Variants in NAV3 observed in about 807,000 individuals in gnomAD.
The protein encoded by NAV3 is neuron navigator 3, also known as pore membrane and/or filament interacting like protein 1.
In NAV3, 87 loss-of-function variants were observed where a neutral mutation model predicts 244.7. The observed-to-expected ratio is 0.36, with a 90% CI of 0.30 to 0.42. The LOEUF is 0.42. Ranked by LOEUF, NAV3 falls within the 20% of genes least tolerant of loss-of-function variation. The probability of loss-of-function intolerance (pLI) is 1.00; values close to 1 mark genes in which losing one functional copy is unlikely to be tolerated. For synonymous variants in NAV3, 1,126 were observed against 1,042.2 expected, an observed-to-expected ratio of 1.08 and a Z score of -1.55; for missense variants, 2,663 against 2,893.3, an observed-to-expected ratio of 0.92 and a Z score of 1.83.
At chr12:78,086,981 G>A (rs1041827670) in intron 12 of NAV3, among the ~76,000 whole-genome samples, 1 of 151,884 alleles carries the variant, frequency 6.6e-6, no homozygotes, top group African/African-American at 2.4e-5. Context: ...TGAAACAATA[G>A]GTTTTCTACA....
At chr12:77,776,008 T>C (rs1870335810) in intron 2 of NAV3, among the ~76,000 whole-genome samples, 1 of 152,238 alleles carries the variant, frequency 6.6e-6, no homozygotes, top group South Asian at 2.1e-4. Context: ...GCCTTTGTCC[T>C]CAGAGCATGG....
intron 1 of NAV3, among the ~76,000 whole-genome samples, chr12:77,894,310 A>T (rs1466583078): frequency 6.6e-6 from 1 of 152,196 alleles, no homozygotes; most frequent in Non-Finnish European, 1.5e-5. Flanking sequence ...CCCAAGATAA[A>T]GGTTAGAGAA....
chr12:77,778,255 C>T (rs1445774323), intron 2 of NAV3, among the ~76,000 whole-genome samples: 3 of 149,316 alleles, frequency 2.0e-5, no homozygotes, highest in Non-Finnish European at 4.4e-5. Flanking sequence ...CCCCGCCCCC[C>T]GTCCTTGCTT....
Position 78,059,009 on chromosome 12 carries a change from G to T in NAV3, c.2530G>T (p.Gly844Ter), listed in dbSNP as rs2137404839. ...ATTTCTTTTCAGGTACATGACAGAT[G>T]GAGGACTTAACCTATATACTAGAAG... is the stretch of plus-strand genomic sequence containing the variant. ...DDINSGYMTD[G>*]GLNLYTRSLN... The change falls in exon 12 of 40, where the codon GGA becomes TGA. Residue 844 changes from glycine (G) to a stop codon, truncating the protein, a stop_gained. Transcript: ENST00000397909. LOFTEE classifies it high-confidence loss of function. The T allele has an allele frequency of 6.2e-7, 1 of 1,601,616 alleles. No homozygotes were observed. The highest frequency in any genetic ancestry group is 1.1e-5 in the South Asian group (1 of 88,362).
chr12:77,706,521 A>G (rs1186903310), intron 2 of NAV3, among the ~76,000 whole-genome samples: 2 of 151,248 alleles, frequency 1.3e-5, no homozygotes, highest in Admixed American at 1.3e-4. Context: ...ATCTTGGCTG[A>G]TCGTTATCAA....
Position 77,831,350 on chromosome 12 carries a change from T to A in NAV3, c.-112T>A. 1 of 1,112,156 alleles carries A rather than the reference T, an allele frequency of 9.0e-7. No homozygotes were observed. The highest frequency in any genetic ancestry group is 1.2e-6 in the Non-Finnish European group (1 of 817,078). 68.9% of individuals were successfully genotyped at this position (1,112,156 alleles called of 1,614,324 possible). A position where few individuals can be genotyped will look rare whatever the true frequency, so the allele number is the denominator to read the frequency against. On this transcript the variant is annotated 5_prime_UTR_variant, in exon 1 of 40. It removes an upstream start codon present in the reference 5' UTR. Transcript: ENST00000397909. ...ATTATTAGCTTTTTAAAAATCAGGA[T>A]GACTGCTAGTTTTGTTTAAAGTATT...
At position 78,050,099 on chromosome 12, in the gene NAV3, C is replaced by T; in HGVS notation, c.2130C>T (p.His710=). The change falls in exon 10 of 40, where the codon CAC becomes CAT. Residue 710 remains histidine (H), a splice_region_variant and synonymous_variant. Coordinates refer to ENST00000397909, the MANE Select transcript of NAV3 (RefSeq NM_001024383.2). ...MSSLRGTQIS[H]STLETTFDST... Reference sequence around the variant, plus strand: ...GTCTTCGTGGGACTCAGATAAGCCACAGGTTTTTTTCAATTTTGCATATAT... The same window carrying T: ...GTCTTCGTGGGACTCAGATAAGCCATAGGTTTTTTTCAATTTTGCATATAT... The T allele has an allele frequency of 6.3e-7, 1 of 1,598,566 alleles. No individual in the cohort carries two copies. The highest frequency in any genetic ancestry group is 8.5e-7 in the Non-Finnish European group (1 of 1,174,338).
At chr12:77,786,557 C>T (rs1870913508) in intron 2 of NAV3, among the ~76,000 whole-genome samples, 1 of 152,032 alleles carries the variant, frequency 6.6e-6, no homozygotes, top group African/African-American at 2.4e-5. Context: ...ATGTCAACAG[C>T]CATGTTAACT....
At chr12:78,098,959 T>G (rs1442254710) in intron 12 of NAV3, among the ~76,000 whole-genome samples, 1 of 151,078 alleles carries the variant, frequency 6.6e-6, no homozygotes, top group African/African-American at 2.4e-5. Context: ...TCCAGGGTTT[T>G]TTTTTTTTTT....
chr12:78,130,144 T>C (rs1956099370), intron 18 of NAV3, among the ~76,000 whole-genome samples: 1 of 152,178 alleles, frequency 6.6e-6, no homozygotes, highest in Admixed American at 6.5e-5. Context: ...CCAGTCTAGT[T>C]TGGGGACTAT....
intron 2 of NAV3, among the ~76,000 whole-genome samples, chr12:77,807,917 A>G (rs971228673): frequency 5.3e-5 from 8 of 151,626 alleles, no homozygotes; most frequent in Non-Finnish European, 1.0e-4. Context: ...GTTTTATTTC[A>G]CTCAGTTGAT....
intron 7 of NAV3, among the ~76,000 whole-genome samples, chr12:78,000,132 G>A (rs1420310079): frequency 6.6e-6 from 1 of 152,098 alleles, no homozygotes; most frequent in Non-Finnish European, 1.5e-5. Flanking sequence ...TGATATACAA[G>A]CATTAATATT....
At chr12:77,647,626 T>C (rs1262989101) in intron 2 of NAV3, among the ~76,000 whole-genome samples, 1 of 152,132 alleles carries the variant, frequency 6.6e-6, no homozygotes, top group Non-Finnish European at 1.5e-5. Flanking sequence ...TAGTGCTGTT[T>C]TGATCATATT....
At chr12:78,045,381 C>T (rs1461369857) in intron 9 of NAV3, among the ~76,000 whole-genome samples, 10 of 152,086 alleles carry the variant, frequency 6.6e-5, no homozygotes, top group East Asian at 5.8e-4. Context: ...CTGCAACCTC[C>T]GCCTCCTAAG....
intron 23 of NAV3, among the ~76,000 whole-genome samples, chr12:78,165,166 G>A (rs1957725563): frequency 6.6e-6 from 1 of 151,906 alleles, no homozygotes; most frequent in Non-Finnish European, 1.5e-5. Context: ...TGGTGTTGGG[G>A]GCATCATTAT....
intron 27 of NAV3, 45 bp downstream of exon 27, chr12:78,177,358 A>T (rs1178588519): frequency 1.3e-6 from 2 of 1,578,304 alleles, no homozygotes; most frequent in East Asian, 4.5e-5. Context: ...TTTTAAAAAC[A>T]ATTTTAGATG....
rs2138645812 is a variant in NAV3, at chr12:78,120,058, A to AATATG, written c.3749+113_3749+114insATATG. The AATATG allele has an allele frequency of 4.6e-6, 3 of 654,690 alleles. 1 individual carries two copies. The highest frequency in any genetic ancestry group is 6.6e-6 in the Non-Finnish European group (3 of 454,488). 40.6% of individuals were successfully genotyped at this position (654,690 alleles called of 1,614,324 possible). Reference sequence around the variant, plus strand: ...TATTTTAAATATGTATAAGGTATATATATATCTTAGAATTCTTTAAAGTAC... The same window carrying AATATG: ...TATTTTAAATATGTATAAGGTATATAATATGTATATCTTAGAATTCTTTAAAGTAC... On this transcript the variant is annotated intron_variant, in intron 15 of 39. Transcript: ENST00000397909.
intron 1 of NAV3, among the ~76,000 whole-genome samples, chr12:77,907,974 A>G (rs1886173038): frequency 6.6e-6 from 1 of 152,112 alleles, no homozygotes. Flanking sequence ...GATGACATGC[A>G]TATTAAACAC....
At chr12:77,907,568 G>A (rs1886123196) in intron 1 of NAV3, among the ~76,000 whole-genome samples, 1 of 152,134 alleles carries the variant, frequency 6.6e-6, no homozygotes, top group African/African-American at 2.4e-5. Flanking sequence ...GGGCAGTGAT[G>A]TGCCATTTCA....
Sources: allele counts gnomAD v4.1 joint callset (sites outside exome capture counted in the v4.1 genomes callset), GRCh38; gene constraint gnomAD v4.1.1; transcripts MANE v1.5; gene names NCBI Gene and HGNC (gene_info 2026-07-23, HGNC 2026-07-21).